Variants in FMN1 observed in about 807,000 individuals in gnomAD.
FMN1 encodes formin 1.
In FMN1, 110 loss-of-function variants were observed where a neutral mutation model predicts 132.4. That is an observed-to-expected ratio of 0.83 (90% CI 0.71 to 0.97). The LOEUF is 0.97. Among genes scored for constraint, FMN1 ranks in the 50% least tolerant of loss-of-function variants. FMN1 has a pLI of 0.00. For missense variants in FMN1, 1,792 were observed against 1,705.3 expected, an observed-to-expected ratio of 1.05 and a Z score of -0.90; for synonymous variants, 722 against 651.7, an observed-to-expected ratio of 1.11 and a Z score of -1.64.
chr15:33,104,801 A>ACT (rs1162283477), intron 4 of FMN1, among the ~76,000 whole-genome samples: 1 of 152,196 alleles, frequency 6.6e-6, no homozygotes, highest in African/African-American at 2.4e-5. Flanking sequence ...GTATTACTTT[A>ACT]CTAAAGGGAT....
At chr15:32,867,019 G>C (rs932186660) in intron 16 of FMN1, among the ~76,000 whole-genome samples, 2 of 152,074 alleles carry the variant, frequency 1.3e-5, no homozygotes, top group African/African-American at 2.4e-5. Context: ...ATGTCATCCA[G>C]GTAAACATTT....
chr15:32,871,873 T>C (rs1436903614), intron 16 of FMN1, among the ~76,000 whole-genome samples: 1 of 152,088 alleles, frequency 6.6e-6, no homozygotes, highest in Admixed American at 6.5e-5. Flanking sequence ...GGTCATCACA[T>C]TGGAAGTGCA....
intron 6 of FMN1, among the ~76,000 whole-genome samples, chr15:33,024,767 A>G (rs1278759674): frequency 6.6e-6 from 1 of 152,218 alleles, no homozygotes; most frequent in Non-Finnish European, 1.5e-5. Flanking sequence ...TATTAAAAAG[A>G]ACACTATGGA....
intron 9 of FMN1, among the ~76,000 whole-genome samples, chr15:32,938,443 TG>T (rs1428780959): frequency 6.6e-6 from 1 of 152,018 alleles, no homozygotes; most frequent in Non-Finnish European, 1.5e-5. Context: ...GCATGAGAAT[TG>T]CTTGAACCCA....
At chr15:32,958,287 C>T (rs1024752475) in intron 9 of FMN1, among the ~76,000 whole-genome samples, 5 of 151,974 alleles carry the variant, frequency 3.3e-5, no homozygotes, top group Non-Finnish European at 7.4e-5. Context: ...ATAAATCACC[C>T]GAATAAAAGT....
At chr15:32,974,343 A>C (rs2032030367) in intron 7 of FMN1, among the ~76,000 whole-genome samples, 1 of 152,058 alleles carries the variant, frequency 6.6e-6, no homozygotes, top group Admixed American at 6.6e-5. Context: ...CTTTACTCTT[A>C]ATTTGTTTGC....
chr15:33,018,313 C>T (rs183206434), intron 6 of FMN1, among the ~76,000 whole-genome samples: 2 of 152,022 alleles, frequency 1.3e-5, no homozygotes, highest in African/African-American at 4.8e-5. Flanking sequence ...AACTGGAAGC[C>T]TTTAGGTAGC....
chr15:33,018,877 G>C (rs369859789), intron 6 of FMN1, among the ~76,000 whole-genome samples: 3 of 152,142 alleles, frequency 2.0e-5, no homozygotes, highest in African/African-American at 7.2e-5. Context: ...GGAGTTGTTC[G>C]ATCCTCCGGT....
intron 6 of FMN1, among the ~76,000 whole-genome samples, chr15:33,028,313 AAAGT>A (rs1403746655): frequency 6.6e-6 from 1 of 152,150 alleles, no homozygotes; most frequent in Non-Finnish European, 1.5e-5. Flanking sequence ...TAGATTATAA[AAAGT>A]AAGCTCCTAC....
chr15:32,978,478 T>C (rs2032389798), intron 7 of FMN1, among the ~76,000 whole-genome samples: 1 of 152,214 alleles, frequency 6.6e-6, no homozygotes, highest in South Asian at 2.1e-4. Context: ...AAAGTAGTTC[T>C]AAACCCAATG....
chr15:32,940,391 TTGTGTGTGTG>T (rs67121672), intron 9 of FMN1, among the ~76,000 whole-genome samples: 14,005 of 145,352 alleles, frequency 0.096, 1,200 homozygotes, highest in African/African-American at 0.23. Flanking sequence ...AAAATAAAAA[TTGTGTGTGTG>T]TGTGTGTGTG....
intron 5 of FMN1, among the ~76,000 whole-genome samples, chr15:33,072,477 G>C (rs981808591): frequency 6.6e-6 from 1 of 151,066 alleles, no homozygotes; most frequent in Non-Finnish European, 1.5e-5. Context: ...TTATAACTCT[G>C]TTAAAAACAA....
At chr15:32,863,404 A>C (rs1467472465) in intron 16 of FMN1, among the ~76,000 whole-genome samples, 4 of 152,230 alleles carry the variant, frequency 2.6e-5, no homozygotes. Context: ...ACTGCACTCC[A>C]GCCTGGGCGA....
intron 2 of FMN1, among the ~76,000 whole-genome samples, chr15:33,191,633 C>A (rs1966082597): frequency 6.6e-6 from 1 of 152,196 alleles, no homozygotes; most frequent in African/African-American, 2.4e-5. Flanking sequence ...AGGGAATGCT[C>A]CATTTCTCAG....
chr15:32,832,569 G>A (rs2058527141), intron 17 of FMN1, among the ~76,000 whole-genome samples: 2 of 152,066 alleles, frequency 1.3e-5, no homozygotes, highest in Admixed American at 1.3e-4. Context: ...CATGAAGTCA[G>A]GAGATCAAGA....
At chr15:32,942,664 C>T (rs2061425191) in intron 9 of FMN1, among the ~76,000 whole-genome samples, 2 of 152,166 alleles carry the variant, frequency 1.3e-5, no homozygotes, top group South Asian at 4.1e-4. Context: ...CATACCTATA[C>T]CAGATCGAGT....
intron 7 of FMN1, among the ~76,000 whole-genome samples, chr15:32,995,424 A>C (rs1191823530): frequency 6.6e-6 from 1 of 152,194 alleles, no homozygotes; most frequent in Non-Finnish European, 1.5e-5. Context: ...TCCTCAGTGT[A>C]AGCTGAGTGT....
chr15:33,041,816 T>C (rs899072949), intron 6 of FMN1, among the ~76,000 whole-genome samples: 1 of 152,148 alleles, frequency 6.6e-6, no homozygotes, highest in Non-Finnish European at 1.5e-5. Flanking sequence ...AGTGTCAGTT[T>C]TGCAAAATGA....
chr15:33,086,140 A>G (rs1368859421), intron 5 of FMN1, among the ~76,000 whole-genome samples: 30 of 151,856 alleles, frequency 2.0e-4, no homozygotes, highest in Admixed American at 2.0e-3. Context: ...AGTCCCAGCT[A>G]CTCAGGAGGC....
Sources: allele counts gnomAD v4.1 joint callset (sites outside exome capture counted in the v4.1 genomes callset), GRCh38; gene constraint gnomAD v4.1.1; transcripts MANE v1.5; gene names NCBI Gene and HGNC (gene_info 2026-07-23, HGNC 2026-07-21).